IGSF11: variants seen among roughly 807,000 people sequenced by gnomAD.
IGSF11 encodes immunoglobulin superfamily member 11.
IGSF11 carries 22 observed loss-of-function variants against 41.0 expected under a neutral mutation model. That is an observed-to-expected ratio of 0.54 (90% CI 0.38 to 0.77). IGSF11 has a LOEUF of 0.77. Among genes scored for constraint, IGSF11 ranks in the 30% least tolerant of loss-of-function variants. The pLI is 0.00. For synonymous variants in IGSF11, 219 were observed against 201.3 expected (o/e 1.09, Z -0.74); for missense variants, 444 against 530.8 (o/e 0.84, Z 1.61).
rs1941464523 is a variant in IGSF11 at position 119,048,419 on chromosome 3, C to T, written c.49+56725G>A. 1.3e-5 allele frequency among the ~76,000 whole-genome samples: 2 copies of T among 152,186 alleles called. 1 individual carries two copies. Among genetic ancestry groups the T allele is most frequent in the South Asian group, 4.1e-4 (2 of 4,830 alleles). On this transcript the variant is annotated intron_variant, in intron 1 of 6. Transcript: ENST00000354673. ...CTAGAAGAAATGGATAAATTCTTGACACATACACTCTCCCAAGACTAAACC... is the reference window on the plus strand; with the variant it reads ...CTAGAAGAAATGGATAAATTCTTGATACATACACTCTCCCAAGACTAAACC...
chr3:119,020,717 G>A (rs1315369623), intron 1 of IGSF11, among the ~76,000 whole-genome samples: 7 of 152,150 alleles, frequency 4.6e-5, no homozygotes, highest in African/African-American at 1.7e-4. Context: ...CTCACTGGCT[G>A]GGATAAATAC....
chr3:118,949,814 C>G (rs935542543), intron 1 of IGSF11, among the ~76,000 whole-genome samples: 7 of 152,030 alleles, frequency 4.6e-5, no homozygotes, highest in Admixed American at 4.6e-4. Flanking sequence ...AACACACAGC[C>G]CCAGGAGAAA....
Position 118,902,276 on chromosome 3 carries a change from G to T in IGSF11, c.*244C>A. On this transcript the variant is annotated 3_prime_UTR_variant, in exon 7 of 7. Coordinates refer to ENST00000393775, the MANE Select transcript of IGSF11 (RefSeq NM_001015887.3). ...CTCTTGTATCTTTTTCCTTGGCTTG[G>T]CACATCTTTGAGATCCAGCAGAATC... The T allele has an allele frequency of 2.2e-6, 1 of 458,404 alleles. No homozygotes were observed. The highest frequency in any genetic ancestry group is 3.9e-6 in the Non-Finnish European group (1 of 256,970). 28.4% of individuals were successfully genotyped at this position (458,404 alleles called of 1,614,324 possible). A position where few individuals can be genotyped will look rare whatever the true frequency, so the allele number is the denominator to read the frequency against.
chr3:119,003,063 C>T (rs1247237773), intron 1 of IGSF11, among the ~76,000 whole-genome samples: 10 of 85,734 alleles, frequency 1.2e-4, no homozygotes, highest in Middle Eastern at 9.0e-3. Context: ...TTACCTTGGG[C>T]AGTATGGCCA....
chr3:118,904,758 G>A lies in IGSF11; in HGVS notation c.744C>T (p.Gly248=). ...AAAAAATGATAATAACTGCACCAGT[G>A]CCAATGGCTCCAGCTATTAGTCCAA... ...RNIGLIAGAI[G]TGAVIIIFCI... Residue 248 remains glycine, a synonymous_variant, in exon 6 of 7, where the codon GGC becomes GGT. Coordinates refer to ENST00000393775, the MANE Select transcript of IGSF11 (RefSeq NM_001015887.3). 2 of 1,613,346 alleles carry A rather than the reference G, an allele frequency of 1.2e-6. No individual in the cohort carries two copies. The highest frequency in any genetic ancestry group is 2.2e-5 in the South Asian group (2 of 90,898).
intron 1 of IGSF11, among the ~76,000 whole-genome samples, chr3:118,935,265 A>T (rs889562062): frequency 5.6e-5 from 8 of 144,064 alleles, no homozygotes; most frequent in African/African-American, 1.8e-4. Flanking sequence ...ATATAAATAT[A>T]TACACACACC....
At chr3:118,968,361 C>A (rs1407290952) in intron 1 of IGSF11, among the ~76,000 whole-genome samples, 3 of 151,998 alleles carry the variant, frequency 2.0e-5, no homozygotes, top group Non-Finnish European at 4.4e-5. Flanking sequence ...TAGACAATAG[C>A]CAGAGAAATT....
At chr3:119,061,832 T>C (rs1227522479) in intron 1 of IGSF11, among the ~76,000 whole-genome samples, 1 of 151,902 alleles carries the variant, frequency 6.6e-6, no homozygotes. Context: ...ATTATGATAA[T>C]AGTATACTTC....
intron 1 of IGSF11, among the ~76,000 whole-genome samples, chr3:119,140,143 T>C (rs2077622623): frequency 1.3e-5 from 2 of 152,098 alleles, no homozygotes; most frequent in African/African-American, 4.8e-5. Context: ...ATGTATATCC[T>C]ACTTATAAAT....
In IGSF11 at chr3:119,034,585, C is replaced by A; in HGVS notation, c.-3G>T. On this transcript the variant is annotated 5_prime_UTR_variant, in exon 1 of 7. Transcript: ENST00000393775. Reference sequence around the variant, plus strand: ...AGAGGGGAACGCTGAGAAGTCATCCCGGGGCCGCAGGGAGCGCGCCTGCCT... The same window carrying A: ...AGAGGGGAACGCTGAGAAGTCATCCAGGGGCCGCAGGGAGCGCGCCTGCCT... 6.3e-7 allele frequency: 1 copy of A among 1,589,210 alleles called. No homozygotes were observed. Among genetic ancestry groups the A allele is most frequent in the South Asian group, 1.1e-5 (1 of 87,020 alleles).
At chr3:118,922,713 A>G (rs1941930191) in intron 4 of IGSF11, among the ~76,000 whole-genome samples, 1 of 152,154 alleles carries the variant, frequency 6.6e-6, no homozygotes, top group Admixed American at 6.6e-5. Flanking sequence ...TTTTATAAGC[A>G]ACAGAAATTT....
At chr3:119,131,359 A>T (rs1256698735) in intron 1 of IGSF11, among the ~76,000 whole-genome samples, 1 of 152,232 alleles carries the variant, frequency 6.6e-6, no homozygotes, top group Non-Finnish European at 1.5e-5. Flanking sequence ...AAGACCTTAA[A>T]TGACCTGATA....
At chr3:118,979,850 A>G (rs532764647) in intron 1 of IGSF11, among the ~76,000 whole-genome samples, 46 of 152,318 alleles carry the variant, frequency 3.0e-4, no homozygotes, top group African/African-American at 1.1e-3. Flanking sequence ...AAAAGAGTCA[A>G]AAGACGTACA....
At chr3:118,952,855 T>C (rs1036743639) in intron 1 of IGSF11, among the ~76,000 whole-genome samples, 1 of 152,164 alleles carries the variant, frequency 6.6e-6, no homozygotes, top group Non-Finnish European at 1.5e-5. Context: ...GGAAAACTCC[T>C]GTTTTTATGT....
chr3:119,072,445 C>T (rs2076414929), intron 1 of IGSF11, among the ~76,000 whole-genome samples: 1 of 152,210 alleles, frequency 6.6e-6, no homozygotes, highest in Non-Finnish European at 1.5e-5. Flanking sequence ...CTTGGTCTCA[C>T]TGACTTCAAG....
chr3:119,046,020 T>C (rs1472782354), intron 1 of IGSF11, among the ~76,000 whole-genome samples: 1 of 150,654 alleles, frequency 6.6e-6, no homozygotes, highest in Non-Finnish European at 1.5e-5. Context: ...AGACCAAAAG[T>C]AGATAAAACC....
chr3:118,905,729 A>G lies in IGSF11; in HGVS notation c.581-11T>C. 1 of 1,613,376 alleles carries G rather than the reference A, an allele frequency of 6.2e-7. No individual in the cohort carries two copies. The highest frequency in any genetic ancestry group is 8.5e-7 in the Non-Finnish European group (1 of 1,179,508). ...TTCCCTGGACCTGGTCTGTCACAAAAATAATAACCGAGTGAGGATTTGGCG... is the reference window on the plus strand; with the variant it reads ...TTCCCTGGACCTGGTCTGTCACAAAGATAATAACCGAGTGAGGATTTGGCG... On this transcript the variant is annotated splice_polypyrimidine_tract_variant and intron_variant, in intron 4 of 6. Transcript: ENST00000393775.
intron 1 of IGSF11, among the ~76,000 whole-genome samples, chr3:118,942,304 C>T (rs887577819): frequency 1.3e-5 from 2 of 152,158 alleles, no homozygotes; most frequent in Non-Finnish European, 2.9e-5. Context: ...TCACCAAACC[C>T]CAAATGCCAA....
At chr3:118,940,805 T>A (rs1658977197) in intron 1 of IGSF11, among the ~76,000 whole-genome samples, 1 of 149,910 alleles carries the variant, frequency 6.7e-6, no homozygotes, top group South Asian at 2.1e-4. Flanking sequence ...GATTCATACA[T>A]AAATGGGCAA....
Sources: gnomAD v4.1 joint callset for allele counts (sites outside exome capture counted in the v4.1 genomes callset) on GRCh38, gnomAD v4.1.1 for gene constraint, MANE v1.5 for transcripts, NCBI Gene and HGNC (gene_info 2026-07-23, HGNC 2026-07-21) for gene names.